Variants in LARGE1 observed in about 807,000 individuals in gnomAD.
LARGE1 encodes the protein xylosyl- and glucuronyltransferase LARGE1.
Under a neutral mutation model 87.6 loss-of-function variants are expected in LARGE1, and 43 were observed. The observed-to-expected ratio is 0.49, with a 90% CI of 0.38 to 0.63. LARGE1 has a LOEUF of 0.63. Among genes scored for constraint, LARGE1 ranks in the 30% least tolerant of loss-of-function variants. LARGE1 has a pLI of 0.00. For missense variants in LARGE1, 802 were observed against 1,000.2 expected (o/e 0.80, Z 2.67); for synonymous variants, 434 against 394.6 (o/e 1.10, Z -1.18).
At chr22:33,546,497 C>G (rs190143977) in intron 6 of LARGE1, among the ~76,000 whole-genome samples, 1 of 152,326 alleles carries the variant, frequency 6.6e-6, no homozygotes, top group East Asian at 1.9e-4. Flanking sequence ...TTTCTCTCAC[C>G]ATAGTCCTTT....
chr22:33,258,316 G>A (rs2145737830), intron 11 of LARGE1, among the ~76,000 whole-genome samples: 1 of 152,336 alleles, frequency 6.6e-6, no homozygotes, highest in East Asian at 1.9e-4. Flanking sequence ...ACAGGTGTTA[G>A]CCACCATGCT....
chr22:33,910,656 G>A (rs573445706), intron 1 of LARGE1, among the ~76,000 whole-genome samples: 1 of 152,276 alleles, frequency 6.6e-6, no homozygotes, highest in East Asian at 1.9e-4. Flanking sequence ...GTAGGAGCTT[G>A]ATCAACGTTG....
At chr22:33,228,867 T>G in intron 11 of LARGE1, among the ~76,000 whole-genome samples, 1 of 151,250 alleles carries the variant, frequency 6.6e-6, no homozygotes, top group Non-Finnish European at 1.5e-5. Flanking sequence ...GACAAAGGGG[T>G]AGGTGGAGAA....
intron 4 of LARGE1, among the ~76,000 whole-genome samples, chr22:33,617,609 T>C (rs1203595312): frequency 2.6e-5 from 4 of 152,232 alleles, no homozygotes; most frequent in Non-Finnish European, 5.9e-5. Flanking sequence ...CTGAGGCCCC[T>C]TAGAAAAAGC....
At chr22:33,134,868 C>T in the LARGE1 span, among the ~76,000 whole-genome samples, 205 of 152,204 alleles carry the variant, frequency 1.3e-3, no homozygotes, top group African/African-American at 4.4e-3. Context: ...TTCCTGGACC[C>T]AGATTTCTTT....
chr22:33,390,972 C>T (rs2065498096), intron 7 of LARGE1, among the ~76,000 whole-genome samples: 1 of 152,174 alleles, frequency 6.6e-6, no homozygotes, highest in Non-Finnish European at 1.5e-5. Flanking sequence ...GCTGGGAACA[C>T]AGGTGTAAAC....
intron 2 of LARGE1, among the ~76,000 whole-genome samples, chr22:33,688,430 C>T (rs987551715): frequency 6.6e-6 from 1 of 152,164 alleles, no homozygotes; most frequent in Admixed American, 6.5e-5. Context: ...CGGCTCACTG[C>T]AACCTCTGCC....
the LARGE1 span, among the ~76,000 whole-genome samples, chr22:33,088,466 T>C: frequency 6.6e-6 from 1 of 152,194 alleles, no homozygotes; most frequent in Non-Finnish European, 1.5e-5. Flanking sequence ...CAAATGTTAG[T>C]GTTTTTATCG....
chr22:33,220,375 A>G (rs1925401162), intron 11 of LARGE1, among the ~76,000 whole-genome samples: 1 of 152,228 alleles, frequency 6.6e-6, no homozygotes, highest in South Asian at 2.1e-4. Flanking sequence ...TAAAACGTGA[A>G]AAAAATCAAA....
At chr22:33,496,699 C>A (rs1423745175) in intron 6 of LARGE1, among the ~76,000 whole-genome samples, 1 of 152,194 alleles carries the variant, frequency 6.6e-6, no homozygotes, top group Non-Finnish European at 1.5e-5. Context: ...TCGTTTTCAA[C>A]AACTTTGTAC....
intron 6 of LARGE1, among the ~76,000 whole-genome samples, chr22:33,455,274 C>T (rs927896279): frequency 3.3e-5 from 5 of 152,210 alleles, no homozygotes; most frequent in Admixed American, 3.3e-4. Flanking sequence ...TATGTCCACA[C>T]ACTGCTGTTT....
At chr22:33,610,941 G>A (rs1295485726) in intron 4 of LARGE1, among the ~76,000 whole-genome samples, 3 of 152,228 alleles carry the variant, frequency 2.0e-5, no homozygotes, top group Non-Finnish European at 4.4e-5. Flanking sequence ...TTCAGAGAGT[G>A]CAAGCTATAA....
intron 11 of LARGE1, among the ~76,000 whole-genome samples, chr22:33,192,413 A>T (rs1296217439): frequency 6.6e-6 from 1 of 152,084 alleles, no homozygotes. Flanking sequence ...CATTTCCCAG[A>T]TGATTAGTGA....
chr22:33,766,146 G>C (rs978265045), intron 1 of LARGE1, among the ~76,000 whole-genome samples: 1 of 152,120 alleles, frequency 6.6e-6, no homozygotes, highest in African/African-American at 2.4e-5. Flanking sequence ...ATTACATCAC[G>C]AACATGTGCA....
intron 6 of LARGE1, among the ~76,000 whole-genome samples, chr22:33,493,221 T>C (rs986106101): frequency 1.4e-5 from 2 of 146,198 alleles, no homozygotes; most frequent in African/African-American, 5.1e-5. Flanking sequence ...AGTGCAGTGG[T>C]GCGATCTCGG....
chr22:33,623,904 C>T (rs1458647391), intron 4 of LARGE1, among the ~76,000 whole-genome samples: 1 of 151,946 alleles, frequency 6.6e-6, no homozygotes, highest in Non-Finnish European at 1.5e-5. Context: ...GTGGCAGGCG[C>T]CTGTAATCCA....
At chr22:33,280,514 G>C (rs1413216124) in intron 13 of LARGE1, among the ~76,000 whole-genome samples, 1 of 152,076 alleles carries the variant, frequency 6.6e-6, no homozygotes, top group African/African-American at 2.4e-5. Flanking sequence ...GGGGGAGACG[G>C]CGCCATTGCA....
intron 4 of LARGE1, among the ~76,000 whole-genome samples, chr22:33,606,684 C>T (rs1034966639): frequency 2.0e-5 from 3 of 152,100 alleles, no homozygotes; most frequent in Admixed American, 2.0e-4. Context: ...TCACTGAGTA[C>T]ACCCTATTTG....
chr22:33,709,553 A>AT (rs1654066775), intron 2 of LARGE1, among the ~76,000 whole-genome samples: 1 of 151,416 alleles, frequency 6.6e-6, no homozygotes, highest in Non-Finnish European at 1.5e-5. Flanking sequence ...TTCATAACTC[A>AT]TTCTCCTCTA....
Sources: allele counts gnomAD v4.1 joint callset (sites outside exome capture counted in the v4.1 genomes callset), GRCh38; gene constraint gnomAD v4.1.1; transcripts MANE v1.5; gene names NCBI Gene and HGNC (gene_info 2026-07-23, HGNC 2026-07-21).